PARD3B: variants seen among roughly 807,000 people sequenced by gnomAD.
PARD3B encodes the protein par-3 family cell polarity regulator beta.
In PARD3B, 103 loss-of-function variants were observed where a neutral mutation model predicts 130.2. The observed-to-expected ratio is 0.79, with a 90% CI of 0.67 to 0.93. PARD3B has a LOEUF of 0.93. Ranked by LOEUF, PARD3B falls within the 40% of genes least tolerant of loss-of-function variation. PARD3B has a pLI of 0.00. For missense variants in PARD3B, 1,609 were observed against 1,499.2 expected, an observed-to-expected ratio of 1.07 and a Z score of -1.21; for synonymous variants, 583 against 553.2, an observed-to-expected ratio of 1.05 and a Z score of -0.76.
In PARD3B at chr2:205,176,682, A is replaced by G; in HGVS notation, c.1924+105A>G. 1.6e-6 allele frequency: 2 copies of G among 1,247,398 alleles called. No homozygotes were observed. Among genetic ancestry groups the G allele is most frequent in the Non-Finnish European group, 2.2e-6 (2 of 926,802 alleles). The allele number at this position is 1,247,398 out of a possible 1,614,324, so 77.3% of individuals were successfully genotyped here. A position where few individuals can be genotyped will look rare whatever the true frequency, so the allele number is the denominator to read the frequency against. On this transcript the variant is annotated intron_variant, in intron 13 of 22. Coordinates refer to ENST00000406610, the MANE Select transcript of PARD3B (RefSeq NM_001302769.2). This position sits in a 1 kb window ranked among gnomAD's most constrained non-coding sequence, Gnocchi z 5.3. ...AGAGTAAAGGGGAGTTAATTAGACT[A>G]AGTGCAGACTTTGTTACTCGGAGTC...
rs866531792 is a variant in PARD3B, at chr2:204,790,133, G to A, written c.222+103851G>A. Among the ~76,000 whole-genome samples the A allele has an allele frequency of 5.3e-5, 8 of 152,286 alleles. No individual in the cohort carries two copies. In the South Asian group the frequency reaches 1.0e-3, roughly 20 times the overall value. On this transcript the variant is annotated intron_variant, in intron 2 of 22. Transcript: ENST00000406610. ...GATCCACCTGCCTTGGCCTCCCAGA[G>A]TGCTGGGATTACAGGCATAAGCCAC...
chr2:205,615,367 C>A (rs2055388647), intron 22 of PARD3B, 89 bp from the exon 23 acceptor site: 2 of 1,160,000 alleles, frequency 1.7e-6, no homozygotes, highest in Non-Finnish European at 2.5e-6. Flanking sequence ...GGTGGCCACA[C>A]CAAACTGCAC....
chr2:204,996,607 A>G (rs1422792143), intron 3 of PARD3B, among the ~76,000 whole-genome samples: 1 of 151,062 alleles, frequency 6.6e-6, no homozygotes, highest in African/African-American at 2.4e-5. Context: ...GGTGGGCTCC[A>G]CCCAGTTCGA....
At chr2:204,952,765 G>A (rs753991402) in intron 2 of PARD3B, among the ~76,000 whole-genome samples, 15 of 152,038 alleles carry the variant, frequency 9.9e-5, no homozygotes, top group Admixed American at 3.9e-4. Context: ...TCAGGAGGCC[G>A]AGGCAGGCGG....
intron 2 of PARD3B, among the ~76,000 whole-genome samples, chr2:204,755,158 A>G (rs1485182642): frequency 1.3e-5 from 2 of 152,104 alleles, no homozygotes; most frequent in African/African-American, 2.4e-5. Flanking sequence ...CTAAATTTAA[A>G]TTGACATAAG....
chr2:205,415,688 C>G (rs2046750225), intron 19 of PARD3B, among the ~76,000 whole-genome samples: 1 of 152,150 alleles, frequency 6.6e-6, no homozygotes, highest in Non-Finnish European at 1.5e-5. Flanking sequence ...TTGGTCCATA[C>G]TGCTCTTGCT....
chr2:205,141,819 T>C (rs2032980516), intron 10 of PARD3B, among the ~76,000 whole-genome samples: 1 of 152,212 alleles, frequency 6.6e-6, no homozygotes, highest in Admixed American at 6.5e-5. Flanking sequence ...TACCAGTCTA[T>C]AAGATGGTAT....
At chr2:205,035,871 TA>T (rs1697822167) in intron 3 of PARD3B, among the ~76,000 whole-genome samples, 1 of 132,518 alleles carries the variant, frequency 7.5e-6, no homozygotes, top group African/African-American at 3.0e-5. Flanking sequence ...ATGAGATATA[TA>T]AAATATATAA....
intron 3 of PARD3B, among the ~76,000 whole-genome samples, chr2:205,003,663 A>G (rs1033264095): frequency 1.3e-5 from 2 of 152,092 alleles, no homozygotes; most frequent in South Asian, 2.1e-4. Context: ...GTTTATTTTT[A>G]TGTTTGTTGT....
chr2:204,866,755 T>C (rs556813180), intron 2 of PARD3B, among the ~76,000 whole-genome samples: 1 of 152,160 alleles, frequency 6.6e-6, no homozygotes, highest in East Asian at 1.9e-4. Context: ...CCCTATTCTA[T>C]GAACAGTAAA....
At chr2:205,166,635 A>C (rs10198889) in intron 11 of PARD3B, among the ~76,000 whole-genome samples, 1 of 151,902 alleles carries the variant, frequency 6.6e-6, no homozygotes, top group South Asian at 2.1e-4. Context: ...TTCTTTTCTT[A>C]GTTTAGGGTT....
chr2:204,549,435 G>T (rs1243210414), intron 1 of PARD3B, among the ~76,000 whole-genome samples: 1 of 152,130 alleles, frequency 6.6e-6, no homozygotes, highest in Non-Finnish European at 1.5e-5. Flanking sequence ...ACAGGTGAAT[G>T]GGTAATTGAG....
In PARD3B at chr2:204,610,708, G is replaced by T. The variant is rs548968936; in HGVS notation, c.120+64589G>T. Among the ~76,000 whole-genome samples, 3 of 152,100 alleles carry T rather than the reference G, an allele frequency of 2.0e-5. No homozygotes were observed. In the South Asian group the frequency reaches 6.2e-4, roughly 32 times the overall value. On this transcript the variant is annotated intron_variant, in intron 1 of 22. Transcript: ENST00000406610. This position sits in a 1 kb window ranked among gnomAD's most constrained non-coding sequence, Gnocchi z 4.1. ...GATATGTTAGTCTACTTCAGGACAG[G>T]TGCCTCTTCTCTCTCTAGATAGAAG... is the stretch of plus-strand genomic sequence containing the variant.
At chr2:205,092,829 AAGCTTC>A in intron 4 of PARD3B, among the ~76,000 whole-genome samples, 2 of 152,170 alleles carry the variant, frequency 1.3e-5, no homozygotes, top group Admixed American at 1.3e-4. Flanking sequence ...TGATTAACTC[AAGCTTC>A]CAGCGATTGT....
intron 10 of PARD3B, among the ~76,000 whole-genome samples, chr2:205,151,352 G>A (rs1036496120): frequency 1.3e-5 from 2 of 152,160 alleles, no homozygotes; most frequent in African/African-American, 4.8e-5. Flanking sequence ...GTCTAGTGTT[G>A]ACAGCAGGGT....
Position 205,292,134 on chromosome 2 carries a change from A to G in PARD3B, c.2186-8396A>G, listed in dbSNP as rs1269278976. On this transcript the variant is annotated intron_variant, in intron 16 of 22. Coordinates refer to ENST00000406610, the MANE Select transcript of PARD3B (RefSeq NM_001302769.2). This position sits in a 1 kb window ranked among gnomAD's most constrained non-coding sequence, Gnocchi z 5.3. ...GAGCTCCAGTGGGACCCAGTGTAGC[A>G]TGGGTCACAGAGGCTATCCCTCCCA... Among the ~76,000 whole-genome samples, 1 of 152,180 alleles carries G rather than the reference A, an allele frequency of 6.6e-6. No homozygotes were observed. Among genetic ancestry groups the G allele is most frequent in the Non-Finnish European group, 1.5e-5 (1 of 68,028 alleles).
intron 2 of PARD3B, among the ~76,000 whole-genome samples, chr2:204,935,787 T>G (rs1286431433): frequency 1.3e-5 from 2 of 152,144 alleles, no homozygotes; most frequent in Non-Finnish European, 2.9e-5. Flanking sequence ...ATGGAACTTG[T>G]CCCTTCTCTG....
intron 1 of PARD3B, among the ~76,000 whole-genome samples, chr2:204,685,205 CT>C: frequency 6.6e-6 from 1 of 152,224 alleles, no homozygotes; most frequent in East Asian, 1.9e-4. Flanking sequence ...TTCCATCTTT[CT>C]TTTTTAACAA....
At chr2:205,025,227 G>T (rs529770848) in intron 3 of PARD3B, among the ~76,000 whole-genome samples, 1 of 152,274 alleles carries the variant, frequency 6.6e-6, no homozygotes, top group East Asian at 1.9e-4. Context: ...ACGGCTATTA[G>T]TCAGGAGTTT....
Sources: gnomAD v4.1 joint callset for allele counts (sites outside exome capture counted in the v4.1 genomes callset) on GRCh38, gnomAD v4.1.1 for gene constraint, Gnocchi (gnomAD v3.1) non-coding constraint, MANE v1.5 for transcripts, NCBI Gene and HGNC (gene_info 2026-07-23, HGNC 2026-07-21) for gene names.